FILIP1L: variants seen among roughly 807,000 people sequenced by gnomAD.
FILIP1L encodes the protein filamin A-interacting protein 1-like.
In FILIP1L, 55 loss-of-function variants were observed where a neutral mutation model predicts 96.6. The observed-to-expected ratio is 0.57, with a 90% CI of 0.46 to 0.71. FILIP1L has a LOEUF of 0.71. Ranked by LOEUF, FILIP1L falls within the 30% of genes least tolerant of loss-of-function variation. FILIP1L has a pLI of 0.00. For synonymous variants in FILIP1L, 467 were observed against 473.9 expected, an observed-to-expected ratio of 0.99 and a Z score of 0.19; for missense variants, 1,304 against 1,321.2, an observed-to-expected ratio of 0.99 and a Z score of 0.20.
chr3:99,904,117 A>G (rs1014708286), intron 4 of FILIP1L, among the ~76,000 whole-genome samples: 70 of 152,324 alleles, frequency 4.6e-4, no homozygotes, highest in African/African-American at 1.6e-3. Context: ...TCAGACAAGC[A>G]CTTTACATTT....
At chr3:99,936,520 C>T (rs1162003487) in intron 1 of FILIP1L, among the ~76,000 whole-genome samples, 3 of 142,928 alleles carry the variant, frequency 2.1e-5, no homozygotes, top group Non-Finnish European at 4.5e-5. Flanking sequence ...GGACTACAGG[C>T]GCGCACCACC....
rs780442992 is a variant in FILIP1L, at chr3:99,848,393, A to G, written c.3283T>C (p.Leu1095=). ...APLQDNRTQG[L]INGALNKTTN... ...GTTTTGTTTAGTGCCCCGTTAATTAAGCCTTGAGTTCGGTTATCCTGCAGT... is the reference window on the plus strand; with the variant it reads ...GTTTTGTTTAGTGCCCCGTTAATTAGGCCTTGAGTTCGGTTATCCTGCAGT... The change falls in exon 5 of 6, where the codon TTA becomes CTA. Residue 1095 remains leucine (L), a synonymous_variant. Coordinates refer to ENST00000477258, the MANE Select transcript of FILIP1L (RefSeq NM_001387850.1). 64 of 1,614,224 alleles carry G rather than the reference A, an allele frequency of 4.0e-5. 2 individuals are homozygous for G. In the Admixed American group the frequency reaches 6.8e-4, roughly 17 times the overall value.
At chr3:100,110,326 A>T (rs540837635) in intron 1 of FILIP1L, among the ~76,000 whole-genome samples, 5 of 152,118 alleles carry the variant, frequency 3.3e-5, no homozygotes, top group Non-Finnish European at 7.4e-5. Flanking sequence ...ATCATGGCTC[A>T]GAAGCAGCTG....
chr3:99,880,420 C>A (rs1559673910), intron 4 of FILIP1L, among the ~76,000 whole-genome samples: 1 of 152,154 alleles, frequency 6.6e-6, no homozygotes, highest in Non-Finnish European at 1.5e-5. Context: ...TATATATAGA[C>A]CCTCTTTACT....
chr3:99,997,263 T>A (rs2107152022), intron 1 of FILIP1L, among the ~76,000 whole-genome samples: 1 of 152,220 alleles, frequency 6.6e-6, no homozygotes, highest in Non-Finnish European at 1.5e-5. Flanking sequence ...TCAGAAATGA[T>A]AAAAGGAGGC....
chr3:100,082,062 A>C (rs2065940684), intron 1 of FILIP1L, among the ~76,000 whole-genome samples: 1 of 152,242 alleles, frequency 6.6e-6, no homozygotes, highest in African/African-American at 2.4e-5. Flanking sequence ...AAAAAGTGCT[A>C]CATGAGCCTC....
intron 1 of FILIP1L, among the ~76,000 whole-genome samples, chr3:100,046,882 G>A (rs1443721545): frequency 6.6e-6 from 1 of 152,088 alleles, no homozygotes; most frequent in East Asian, 1.9e-4. Flanking sequence ...ATTTTCCATG[G>A]TTCAGGACTA....
At chr3:99,908,101 G>C (rs1706679964) in intron 4 of FILIP1L, among the ~76,000 whole-genome samples, 2 of 152,322 alleles carry the variant, frequency 1.3e-5, no homozygotes, top group South Asian at 4.1e-4. Flanking sequence ...TGTCAGTGAA[G>C]TTCTAACTCG....
At position 100,096,267 on chromosome 3, in the gene FILIP1L, C is replaced by T. The variant is rs190594233; in HGVS notation, c.-11+17786G>A. Among the ~76,000 whole-genome samples the T allele has an allele frequency of 3.8e-4, 58 of 152,028 alleles. 1 individual carries two copies. Among genetic ancestry groups the T allele is most frequent in the African/African-American group, 1.4e-3 (57 of 41,454 alleles). On this transcript the variant is annotated intron_variant, in intron 1 of 5. Transcript: ENST00000477258. ...CAGCAATCCCACTACTAGGTACATA[C>T]CCCAAAGAAATGAAATCAGTATAGC...
chr3:100,056,146 A>G (rs1257238689), intron 1 of FILIP1L, among the ~76,000 whole-genome samples: 2 of 152,208 alleles, frequency 1.3e-5, no homozygotes, highest in Admixed American at 6.5e-5. Flanking sequence ...TAGAGAAGAA[A>G]GCTACATAGG....
At chr3:99,930,365 C>T (rs558583138) in intron 2 of FILIP1L, among the ~76,000 whole-genome samples, 1 of 152,234 alleles carries the variant, frequency 6.6e-6, no homozygotes, top group South Asian at 2.1e-4. Flanking sequence ...TGTGTACCAG[C>T]TGTTTTTAGA....
rs767721300 is a variant in FILIP1L at position 99,924,333 on chromosome 3, G to T, written c.502C>A (p.Arg168Ser). Residue 168 changes from arginine (R) to serine (S), a missense_variant, in exon 4 of 6, where the codon CGT becomes AGT. Physicochemically the swap from Arg to Ser is moderately radical, Grantham distance 110. Transcript: ENST00000477258. ...LGQLLVAEKS[R>S]RQTILELEEE... The stretch of plus-strand genomic sequence containing the variant: ...TCCAACTCCAATATGGTTTGCCTAC[G>T]GGATTTTTCTGCCACTAAAAGCTGT... 86 of 1,613,772 alleles carry T rather than the reference G, an allele frequency of 5.3e-5. No homozygotes were observed. Among genetic ancestry groups the T allele is most frequent in the Non-Finnish European group, 7.1e-5 (84 of 1,179,882 alleles).
chr3:100,077,499 A>T (rs557762425), intron 1 of FILIP1L, among the ~76,000 whole-genome samples: 2 of 152,340 alleles, frequency 1.3e-5, no homozygotes, highest in African/African-American at 2.4e-5. Flanking sequence ...TGTATTTAAG[A>T]TAAGGAGGAT....
intron 5 of FILIP1L, 200 bp downstream of exon 5, chr3:99,848,095 A>G (rs960975494): frequency 2.9e-6 from 4 of 1,393,884 alleles, no homozygotes; most frequent in Middle Eastern, 5.2e-4. Flanking sequence ...ATATACAGTA[A>G]GTGCACACTC....
chr3:99,926,140 C>T lies in FILIP1L; in HGVS notation c.427-1732G>A, dbSNP rs186894024. 1.6e-3 allele frequency among the ~76,000 whole-genome samples: 246 copies of T among 152,334 alleles called. 5 individuals carry two copies. Among genetic ancestry groups the T allele is most frequent in the Non-Finnish European group, 1.8e-3 (125 of 68,032 alleles). On this transcript the variant is annotated intron_variant, in intron 3 of 5. Transcript: ENST00000477258. ...AATTTAAGTTGTGTATCCTAAAAAG[C>T]ATGTACTTGACTAGAAATGTACTTG...
intron 1 of FILIP1L, among the ~76,000 whole-genome samples, chr3:99,964,833 G>A (rs1246617884): frequency 6.6e-6 from 1 of 152,080 alleles, no homozygotes. Context: ...CATCTACTAT[G>A]CTCCCTGTAA....
intron 5 of FILIP1L, among the ~76,000 whole-genome samples, chr3:99,835,548 T>G (rs1382398652): frequency 2.6e-5 from 4 of 152,170 alleles, no homozygotes; most frequent in Non-Finnish European, 4.4e-5. Flanking sequence ...GTTCTTAAAT[T>G]TTATATGCCC....
At chr3:100,094,283 G>A (rs1194349502) in intron 1 of FILIP1L, among the ~76,000 whole-genome samples, 1 of 152,084 alleles carries the variant, frequency 6.6e-6, no homozygotes, top group Non-Finnish European at 1.5e-5. Context: ...TGATTGGATT[G>A]TTCTTTATTG....
At chr3:100,017,695 G>A (rs1402713808) in intron 1 of FILIP1L, among the ~76,000 whole-genome samples, 6 of 151,216 alleles carry the variant, frequency 4.0e-5, no homozygotes, top group South Asian at 2.1e-4. Flanking sequence ...GAGGCCCAGC[G>A]GGGAGGATCC....
Sources: gnomAD v4.1 joint callset for allele counts (sites outside exome capture counted in the v4.1 genomes callset) on GRCh38, gnomAD v4.1.1 for gene constraint, MANE v1.5 for transcripts, NCBI Gene and HGNC (gene_info 2026-07-23, HGNC 2026-07-21) for gene names.